EPS15L1: variants seen among roughly 807,000 people sequenced by gnomAD.
EPS15L1 encodes the protein epidermal growth factor receptor substrate 15-like 1.
A neutral mutation model predicts 117.1 loss-of-function variants in EPS15L1; 43 were observed. That is an observed-to-expected ratio of 0.37 (90% CI 0.29 to 0.47). EPS15L1 has a LOEUF of 0.47. EPS15L1 is among the 20% of genes least tolerant of loss of function. The pLI is 0.99. For synonymous variants in EPS15L1, 459 were observed against 470.5 expected (o/e 0.98, Z 0.32); for missense variants, 981 against 1,164.0 (o/e 0.84, Z 2.29).
chr19:16,423,978 G>C (rs2092842744), intron 9 of EPS15L1, among the ~76,000 whole-genome samples: 1 of 152,242 alleles, frequency 6.6e-6, no homozygotes, highest in South Asian at 2.1e-4. Context: ...TGGAGCCTCA[G>C]AGTATGTTAG....
intron 1 of EPS15L1, among the ~76,000 whole-genome samples, chr19:16,457,984 G>A (rs2093213317): frequency 6.6e-6 from 1 of 151,970 alleles, no homozygotes; most frequent in Non-Finnish European, 1.5e-5. Flanking sequence ...TTTCCAAAGT[G>A]TACCCCGGGC....
Position 16,361,986 on chromosome 19 carries a change from T to C in EPS15L1, c.2381-2A>G. ...GCTGGCTTACAGGTGTACTTTTACC[T>C]GGAAAGTTTAGGAGAAAAAAAAAAG... On this transcript the variant is annotated splice_acceptor_variant, in intron 22 of 23. Transcript: ENST00000455140. LOFTEE classifies it high-confidence loss of function. 1 of 1,585,568 alleles carries C rather than the reference T, an allele frequency of 6.3e-7. No homozygotes were observed. The highest frequency in any genetic ancestry group is 1.1e-5 in the South Asian group (1 of 87,196).
rs2092958860 is a variant in EPS15L1 at position 16,434,380 on chromosome 19, A to G, written c.483T>C (p.Leu161=). The G allele has an allele frequency of 6.2e-7, 1 of 1,614,036 alleles. No individual in the cohort carries two copies. The highest frequency in any genetic ancestry group is 8.5e-7 in the Non-Finnish European group (1 of 1,180,018). Residue 161 remains leucine (L), a synonymous_variant, in exon 7 of 24, where the codon CTT becomes CTC. Transcript: ENST00000455140. ...KPVLMNSKLP[L]DVLGRVWDLS... ...GCCCACTTACCCTGCCCAGGACATCAAGAGGCAGCTTTGAGTTCATGAGGA... is the reference window on the plus strand; with the variant it reads ...GCCCACTTACCCTGCCCAGGACATCGAGAGGCAGCTTTGAGTTCATGAGGA...
chr19:16,430,553 C>T (rs1050547325), intron 7 of EPS15L1, among the ~76,000 whole-genome samples: 7 of 152,216 alleles, frequency 4.6e-5, no homozygotes, highest in South Asian at 2.1e-4. Flanking sequence ...CACTAGGGCC[C>T]GGCCTGCCCA....
intron 1 of EPS15L1, among the ~76,000 whole-genome samples, chr19:16,460,480 A>C (rs1249013136): frequency 6.6e-6 from 1 of 152,212 alleles, no homozygotes; most frequent in East Asian, 1.9e-4. Flanking sequence ...CAACAAATTA[A>C]ATCAATAAAG....
chr19:16,355,941 G>A, intron 23 of EPS15L1, 90 bp from the exon 24 acceptor site: 1 of 1,452,550 alleles, frequency 6.9e-7, no homozygotes, highest in East Asian at 2.5e-5. Context: ...GGAGGGGTCA[G>A]GGTCCTGCCC....
intron 22 of EPS15L1, among the ~76,000 whole-genome samples, chr19:16,375,214 A>T (rs2092279344): frequency 6.6e-6 from 1 of 152,256 alleles, no homozygotes; most frequent in Admixed American, 6.5e-5. Context: ...ATGCAGGCAC[A>T]TGCGAGAATA....
At chr19:16,452,183 C>T (rs967401719) in intron 1 of EPS15L1, among the ~76,000 whole-genome samples, 1 of 150,078 alleles carries the variant, frequency 6.7e-6, no homozygotes, top group Non-Finnish European at 1.5e-5. Context: ...CAGTGGCTCA[C>T]GCCTGTCATC....
At chr19:16,416,786 C>T (rs1437728656) in intron 12 of EPS15L1, among the ~76,000 whole-genome samples, 1 of 152,014 alleles carries the variant, frequency 6.6e-6, no homozygotes, top group African/African-American at 2.4e-5. Context: ...GGTGACAGAG[C>T]GAGACCCTGT....
At chr19:16,445,265 C>T (rs1254777427) in intron 1 of EPS15L1, among the ~76,000 whole-genome samples, 1 of 152,210 alleles carries the variant, frequency 6.6e-6, no homozygotes, top group Non-Finnish European at 1.5e-5. Flanking sequence ...ATGCTAAAGG[C>T]TCATCCGGCT....
chr19:16,461,742 C>T (rs912927864), intron 1 of EPS15L1, among the ~76,000 whole-genome samples: 2 of 152,218 alleles, frequency 1.3e-5, no homozygotes, highest in African/African-American at 2.4e-5. Flanking sequence ...CTCTGATGAG[C>T]GGAGGTGAGG....
At chr19:16,366,737 G>A (rs539959189) in intron 22 of EPS15L1, among the ~76,000 whole-genome samples, 52 of 152,138 alleles carry the variant, frequency 3.4e-4, no homozygotes, top group Non-Finnish European at 7.1e-4. Context: ...CCGAGTGCCC[G>A]GTCCAGCTCT....
chr19:16,421,648 C>T (rs1364066939), intron 9 of EPS15L1, among the ~76,000 whole-genome samples, 172 bp from the exon 10 acceptor site: 1 of 152,186 alleles, frequency 6.6e-6, no homozygotes, highest in Non-Finnish European at 1.5e-5. Context: ...ACTGGCAAAA[C>T]TGAGGCTGAG....
At chr19:16,386,380 A>G in intron 19 of EPS15L1, 149 bp from the exon 20 acceptor site, 1 of 675,394 alleles carries the variant, frequency 1.5e-6, no homozygotes, top group Non-Finnish European at 2.7e-6. Context: ...CAGGCAGAGT[A>G]AAATCCCAAC....
chr19:16,400,372 C>A (rs112839244), intron 16 of EPS15L1, among the ~76,000 whole-genome samples: 2,631 of 145,742 alleles, frequency 0.018, 73 homozygotes, highest in Admixed American at 0.049. Context: ...AAAAAAAAAA[C>A]CCCTGACTTT....
intron 21 of EPS15L1, chr19:16,384,230 CG>C (rs1172933461): frequency 1.3e-5 from 2 of 152,228 alleles, no homozygotes; most frequent in African/African-American, 4.8e-5. Context: ...ACAGAGTGGA[CG>C]CAGGTGTCAG....
chr19:16,471,045 A>G lies in EPS15L1; in HGVS notation c.33+868T>C, dbSNP rs975279786. ...GATCTGACCCTGTGTCCTCACTCTTAATCACCATGCTGTGCTAGATCATTC... is the reference window on the plus strand; with the variant it reads ...GATCTGACCCTGTGTCCTCACTCTTGATCACCATGCTGTGCTAGATCATTC... On this transcript the variant is annotated intron_variant, in intron 1 of 23. Transcript: ENST00000455140. The surrounding 1 kb of genome is among the most constrained non-coding windows in gnomAD (Gnocchi z 4.8). 5.3e-5 allele frequency among the ~76,000 whole-genome samples: 8 copies of G among 152,184 alleles called. No homozygotes were observed. The highest frequency in any genetic ancestry group is 1.9e-4 in the African/African-American group (8 of 41,446).
chr19:16,453,889 A>G (rs1409738586), intron 1 of EPS15L1, among the ~76,000 whole-genome samples: 2 of 125,060 alleles, frequency 1.6e-5, no homozygotes, highest in East Asian at 3.5e-4. Flanking sequence ...ATTCCTATAA[A>G]AAAAAAAAAA....
At chr19:16,372,610 G>A (rs2144680271) in intron 22 of EPS15L1, among the ~76,000 whole-genome samples, 1 of 152,350 alleles carries the variant, frequency 6.6e-6, no homozygotes, top group East Asian at 1.9e-4. Context: ...AATGTGTGCA[G>A]CCACCTCAGC....
Sources: gnomAD v4.1 joint callset for allele counts (sites outside exome capture counted in the v4.1 genomes callset) on GRCh38, gnomAD v4.1.1 for gene constraint, Gnocchi (gnomAD v3.1) non-coding constraint, MANE v1.5 for transcripts, NCBI Gene and HGNC (gene_info 2026-07-23, HGNC 2026-07-21) for gene names.